Variants in POLR2B observed in about 807,000 individuals in gnomAD.
POLR2B encodes DNA-directed RNA polymerase II subunit RPB2.
POLR2B carries 57 observed loss-of-function variants against 144.6 expected under a neutral mutation model. The observed-to-expected ratio is 0.39, with a 90% confidence interval of 0.32 to 0.49. The LOEUF (loss-of-function observed/expected upper bound fraction) is 0.49. Ranked by LOEUF, POLR2B falls within the 20% of genes least tolerant of loss-of-function variation. POLR2B has a pLI of 0.83. For synonymous variants in POLR2B, 442 were observed against 469.8 expected (o/e 0.94, Z 0.77); for missense variants, 595 against 1,467.4 (o/e 0.41, Z 9.71).
At chr4:56,979,441 C>CGGGGGG (rs1722082631) in intron 1 of POLR2B, among the ~76,000 whole-genome samples, 1 of 8,598 alleles carries the variant, frequency 1.2e-4, no homozygotes, top group Admixed American at 1.5e-3. Flanking sequence ...CAGAGAATAT[C>CGGGGGG]GGGGGGTGGG....
intron 1 of POLR2B, among the ~76,000 whole-genome samples, chr4:56,979,383 T>C (rs1722080542): frequency 1.5e-5 from 2 of 136,884 alleles, no homozygotes; most frequent in Non-Finnish European, 3.0e-5. Flanking sequence ...AATTGTTGAG[T>C]GTCAGCCTGT....
At chr4:57,015,981 A>G (rs1723353702) in intron 14 of POLR2B, among the ~76,000 whole-genome samples, 1 of 150,544 alleles carries the variant, frequency 6.6e-6, no homozygotes, top group African/African-American at 2.4e-5. Flanking sequence ...CTGGTCTTGA[A>G]CTCCTGGTCT....
At chr4:56,980,594 C>G (rs1002647948) in intron 1 of POLR2B, among the ~76,000 whole-genome samples, 2 of 152,064 alleles carry the variant, frequency 1.3e-5, no homozygotes, top group East Asian at 3.9e-4. Flanking sequence ...GTCTTGCTCA[C>G]CTATAGTCCC....
At chr4:57,019,088 T>C (rs961923859) in intron 16 of POLR2B, among the ~76,000 whole-genome samples, 2 of 152,230 alleles carry the variant, frequency 1.3e-5, no homozygotes, top group African/African-American at 4.8e-5. Context: ...TAAAATTACT[T>C]ATTTTCAAAA....
At chr4:56,995,801 G>A (rs1362888791) in intron 6 of POLR2B, among the ~76,000 whole-genome samples, 1 of 152,184 alleles carries the variant, frequency 6.6e-6, no homozygotes, top group Non-Finnish European at 1.5e-5. Flanking sequence ...TTGCCATGTG[G>A]GCCTCTGCGT....
rs769216758 is a variant in POLR2B at position 57,017,015 on chromosome 4, G to A, written c.1956-28G>A. 4.2e-6 allele frequency: 6 copies of A among 1,445,380 alleles called. No homozygotes were observed. In the African/African-American group the frequency reaches 7.0e-5, roughly 17 times the overall value. The allele number at this position is 1,445,380 out of a possible 1,614,324, so 89.5% of individuals were successfully genotyped here. The stretch of plus-strand genomic sequence containing the variant: ...ATAGTTAGTTAAAATACTTGAGGAA[G>A]TAGAAAATTGAGTGAATTCTTTTTT... On this transcript the variant is annotated intron_variant, in intron 14 of 24. Coordinates refer to ENST00000314595, the MANE Select transcript of POLR2B (RefSeq NM_000938.3). This position sits in a 1 kb window ranked among gnomAD's most constrained non-coding sequence, Gnocchi z 4.8.
At chr4:56,979,105 T>G (rs1453141674) in intron 1 of POLR2B, 101 bp downstream of exon 1, 16 of 1,208,918 alleles carry the variant, frequency 1.3e-5, no homozygotes, top group Non-Finnish European at 1.8e-5. Context: ...ATGCGCCGGC[T>G]GCACAGTCCC....
chr4:57,021,901 A>G (rs1039492077), intron 17 of POLR2B, among the ~76,000 whole-genome samples: 2 of 152,188 alleles, frequency 1.3e-5, no homozygotes, highest in African/African-American at 4.8e-5. Context: ...GGTTGGATTC[A>G]TTGACCCCTG....
chr4:57,005,645 A>G lies in POLR2B; in HGVS notation c.1143A>G (p.Glu381=). ...RLLLAALGRR[E]LDDRDHYGNK... ...TTCTGGCAGCTTTGGGTAGAAGAGA[A>G]CTAGATGACAGAGATCACTATGGAA... The change falls in exon 9 of 25, where the codon GAA becomes GAG. Residue 381 remains glutamate, a synonymous_variant. Transcript: ENST00000314595. 6.2e-7 allele frequency: 1 copy of G among 1,612,210 alleles called. No individual in the cohort carries two copies. Among genetic ancestry groups the G allele is most frequent in the Non-Finnish European group, 8.5e-7 (1 of 1,178,728 alleles).
intron 3 of POLR2B, 32 bp downstream of exon 3, chr4:56,990,930 A>G: frequency 1.3e-6 from 2 of 1,577,626 alleles, no homozygotes; most frequent in Non-Finnish European, 1.7e-6. Context: ...CACAGGTACA[A>G]GAAGCGTATT....
At chr4:56,988,406 G>A (rs1026465894) in intron 2 of POLR2B, among the ~76,000 whole-genome samples, 23 of 151,800 alleles carry the variant, frequency 1.5e-4, no homozygotes, top group African/African-American at 4.6e-4. Context: ...GCACCTGCCC[G>A]TAATCCCAAC....
intron 13 of POLR2B, among the ~76,000 whole-genome samples, chr4:57,013,219 T>A (rs1723250618): frequency 6.6e-6 from 1 of 151,750 alleles, no homozygotes. Flanking sequence ...TCAAGCCATC[T>A]GCCTGCCTTG....
At chr4:56,984,303 C>T (rs1178966900) in intron 1 of POLR2B, among the ~76,000 whole-genome samples, 3 of 151,506 alleles carry the variant, frequency 2.0e-5, no homozygotes, top group Admixed American at 2.0e-4. Context: ...TTTCTCCCAC[C>T]CATTTGTTAA....
chr4:56,997,259 G>GT (rs57054646), intron 6 of POLR2B, among the ~76,000 whole-genome samples: 9,969 of 141,918 alleles, frequency 0.07, 427 homozygotes, highest in African/African-American at 0.13. Flanking sequence ...TCCATGCAAA[G>GT]TTTTTTTTTT....
intron 6 of POLR2B, among the ~76,000 whole-genome samples, chr4:56,998,086 A>G (rs924950061): frequency 6.6e-6 from 1 of 152,228 alleles, no homozygotes; most frequent in Admixed American, 6.5e-5. Flanking sequence ...GAGTCAATTA[A>G]GATACTATGA....
rs981807788 is a variant in POLR2B at position 57,023,477 on chromosome 4, C to A, written c.2663C>A (p.Thr888Asn). 1.2e-6 allele frequency: 2 copies of A among 1,613,992 alleles called. No homozygotes were observed. The highest frequency in any genetic ancestry group is 1.7e-6 in the Non-Finnish European group (2 of 1,179,916). ...TTGGAGAGCACCAATAGACGCTATA[C>A]CAAGAGAGACTGTAGCACTTTTCTC... ...DELESTNRRY[T>N]KRDCSTFLRT... is the part of the protein sequence containing the mutation. Residue 888 changes from threonine to asparagine, a missense_variant, in exon 19 of 25, where the codon ACC becomes AAC. Physicochemically the swap from Thr to Asn is moderately conservative, Grantham distance 65. This residue lies in a region of POLR2B where 75 missense variants were observed against 100.0 expected (regional missense o/e 0.75). Transcript: ENST00000314595. This position sits in a 1 kb window ranked among gnomAD's most constrained non-coding sequence, Gnocchi z 4.3.
chr4:57,001,465 C>T (rs369728797), intron 7 of POLR2B, among the ~76,000 whole-genome samples: 7 of 152,204 alleles, frequency 4.6e-5, no homozygotes, highest in African/African-American at 1.2e-4. Flanking sequence ...CTGGCCTCCT[C>T]GGCCTTTCTT....
At chr4:56,989,437 G>A (rs1722442109) in intron 2 of POLR2B, among the ~76,000 whole-genome samples, 1 of 152,202 alleles carries the variant, frequency 6.6e-6, no homozygotes, top group African/African-American at 2.4e-5. Flanking sequence ...ATGTGTGATT[G>A]TCTGCTGTGT....
In POLR2B at chr4:57,023,412, T is replaced by G; in HGVS notation, c.2598T>G (p.Ile866Met). Reference sequence around the variant, plus strand: ...TTCGTGTATCAGGAGATGATGTTATTATAGGCAAAACAGTCACCTTGCCTG... The same window carrying G: ...TTCGTGTATCAGGAGATGATGTTATGATAGGCAAAACAGTCACCTTGCCTG... ...PGVRVSGDDV[I>M]IGKTVTLPEN... The change falls in exon 19 of 25, where the codon ATT (isoleucine) becomes ATG (methionine). Residue 866 changes from isoleucine to methionine, a missense_variant. By Grantham distance (10) the Ile-to-Met change is conservative (BLOSUM62 1). This residue lies in a region of POLR2B where 75 missense variants were observed against 100.0 expected (regional missense o/e 0.75). Coordinates refer to ENST00000314595, the MANE Select transcript of POLR2B (RefSeq NM_000938.3). The surrounding 1 kb of genome is among the most constrained non-coding windows in gnomAD (Gnocchi z 4.3). 4 of 1,614,032 alleles carry G rather than the reference T, an allele frequency of 2.5e-6. No homozygotes were observed. In the Middle Eastern group the frequency reaches 6.6e-4, roughly 266 times the overall value.
Sources: gnomAD v4.1 joint callset for allele counts (sites outside exome capture counted in the v4.1 genomes callset) on GRCh38, gnomAD v4.1.1 for gene constraint, gnomAD v4.1.1 regional missense constraint, Gnocchi (gnomAD v3.1) non-coding constraint, MANE v1.5 for transcripts, NCBI Gene and HGNC (gene_info 2026-07-23, HGNC 2026-07-21) for gene names.